The following SLC25A21 variants were observed in gnomAD, a reference collection of about 807,000 sequenced individuals.
SLC25A21 encodes solute carrier family 25 member 21.
SLC25A21 carries 47 observed loss-of-function variants against 43.8 expected under a neutral mutation model. That is an observed-to-expected ratio of 1.07 (90% CI 0.85 to 1.37). The LOEUF (loss-of-function observed/expected upper bound fraction) is 1.37. Among genes scored for constraint, SLC25A21 ranks in the 40% most tolerant of loss-of-function variants. SLC25A21 has a pLI of 0.00. For synonymous variants in SLC25A21, 131 were observed against 121.3 expected (o/e 1.08, Z -0.52); for missense variants, 352 against 350.2 (o/e 1.00, Z -0.04).
At chr14:37,133,175 A>G (rs1269013072) in intron 1 of SLC25A21, among the ~76,000 whole-genome samples, 1 of 150,218 alleles carries the variant, frequency 6.7e-6, no homozygotes, top group Non-Finnish European at 1.5e-5. Flanking sequence ...ACACACACTC[A>G]TGCAAACACA....
intron 1 of SLC25A21, among the ~76,000 whole-genome samples, chr14:37,131,437 G>A (rs1963390109): frequency 6.6e-6 from 1 of 152,176 alleles, no homozygotes; most frequent in Non-Finnish European, 1.5e-5. Context: ...ACTAACCAAT[G>A]CTGTTGTCTG....
chr14:36,951,978 T>A (rs1192984384), intron 1 of SLC25A21, among the ~76,000 whole-genome samples: 2 of 152,184 alleles, frequency 1.3e-5, no homozygotes, highest in African/African-American at 2.4e-5. Flanking sequence ...CTCATGCCTG[T>A]AATCCCAGCA....
chr14:36,902,486 G>A (rs1029837996), intron 1 of SLC25A21, among the ~76,000 whole-genome samples: 3 of 152,092 alleles, frequency 2.0e-5, no homozygotes, highest in African/African-American at 7.2e-5. Flanking sequence ...ATCTGGGTTT[G>A]AGTTTTGTAT....
At chr14:36,754,668 A>G (rs1030567553) in intron 3 of SLC25A21, among the ~76,000 whole-genome samples, 3 of 152,154 alleles carry the variant, frequency 2.0e-5, no homozygotes, top group African/African-American at 4.8e-5. Context: ...CACTGTGGGC[A>G]CTTGAAAGAA....
chr14:37,096,195 G>A (rs768461355), intron 1 of SLC25A21, among the ~76,000 whole-genome samples: 9 of 152,102 alleles, frequency 5.9e-5, no homozygotes, highest in Non-Finnish European at 8.8e-5. Flanking sequence ...TGCATTATTG[G>A]ATCAAACTTA....
At chr14:36,961,924 T>C (rs1959502321) in intron 1 of SLC25A21, among the ~76,000 whole-genome samples, 2 of 152,088 alleles carry the variant, frequency 1.3e-5, no homozygotes. Flanking sequence ...TAATTTCCCA[T>C]AAAAACCATG....
At chr14:36,844,834 A>G (rs536873139) in intron 2 of SLC25A21, among the ~76,000 whole-genome samples, 2 of 152,346 alleles carry the variant, frequency 1.3e-5, no homozygotes, top group Non-Finnish European at 2.9e-5. Flanking sequence ...TTTAATCATG[A>G]GCCTGAGAGA....
chr14:36,701,663 T>G (rs867703886), intron 7 of SLC25A21, among the ~76,000 whole-genome samples: 2 of 152,196 alleles, frequency 1.3e-5, no homozygotes, highest in Non-Finnish European at 2.9e-5. Flanking sequence ...CCTGTATATA[T>G]TTCACAGATA....
chr14:37,161,765 G>C (rs10146734), intron 1 of SLC25A21, among the ~76,000 whole-genome samples: 145,184 of 151,482 alleles, frequency 0.96, 69,902 homozygotes, highest in East Asian at 1. Flanking sequence ...CCAAGACCAT[G>C]CTGGCTAACA....
intron 3 of SLC25A21, among the ~76,000 whole-genome samples, chr14:36,782,054 C>A (rs1426659085): frequency 6.6e-6 from 1 of 152,140 alleles, no homozygotes; most frequent in Non-Finnish European, 1.5e-5. Context: ...ACTACATCAT[C>A]CCACTCTCCC....
intron 7 of SLC25A21, among the ~76,000 whole-genome samples, chr14:36,687,433 C>T (rs1018717491): frequency 6.6e-6 from 1 of 152,128 alleles, no homozygotes; most frequent in Non-Finnish European, 1.5e-5. Context: ...CTCTCCAGGG[C>T]TCCTGAGGCT....
intron 1 of SLC25A21, among the ~76,000 whole-genome samples, chr14:37,116,084 G>A (rs949938428): frequency 6.6e-6 from 1 of 151,990 alleles, no homozygotes; most frequent in Non-Finnish European, 1.5e-5. Flanking sequence ...GAGTTTTGAA[G>A]TATTGGCTTT....
At chr14:36,815,244 G>T (rs2138449408) in intron 2 of SLC25A21, among the ~76,000 whole-genome samples, 1 of 152,124 alleles carries the variant, frequency 6.6e-6, no homozygotes, top group Non-Finnish European at 1.5e-5. Flanking sequence ...CTGTAAGACG[G>T]GTTGATAGGT....
intron 1 of SLC25A21, among the ~76,000 whole-genome samples, chr14:37,154,014 AC>A (rs1256316598): frequency 6.6e-6 from 1 of 152,100 alleles, no homozygotes; most frequent in Non-Finnish European, 1.5e-5. Flanking sequence ...ACACTCTATG[AC>A]CCAGTTTACT....
At chr14:36,778,072 G>T (rs1184883047) in intron 3 of SLC25A21, among the ~76,000 whole-genome samples, 1 of 152,052 alleles carries the variant, frequency 6.6e-6, no homozygotes, top group Admixed American at 6.5e-5. Flanking sequence ...TTGGTCCCCA[G>T]GATACTCCCT....
chr14:37,115,489 A>AG (rs1963091417), intron 1 of SLC25A21, among the ~76,000 whole-genome samples: 1 of 152,174 alleles, frequency 6.6e-6, no homozygotes, highest in African/African-American at 2.4e-5. Flanking sequence ...AGAAAACTCT[A>AG]ATTTTTTAAT....
intron 3 of SLC25A21, among the ~76,000 whole-genome samples, chr14:36,778,931 C>T (rs558802864): frequency 2.4e-4 from 36 of 152,054 alleles, no homozygotes; most frequent in African/African-American, 7.7e-4. Context: ...AGAATGTATT[C>T]ACCTTATAAC....
At chr14:36,903,935 TG>T (rs1346137125) in intron 1 of SLC25A21, among the ~76,000 whole-genome samples, 3 of 152,216 alleles carry the variant, frequency 2.0e-5, no homozygotes, top group Admixed American at 1.3e-4. Flanking sequence ...GTGTCACTCT[TG>T]CCTTTTTTTG....
chr14:36,930,077 G>T (rs944149116), intron 1 of SLC25A21, among the ~76,000 whole-genome samples: 2 of 152,124 alleles, frequency 1.3e-5, no homozygotes, highest in Non-Finnish European at 2.9e-5. Flanking sequence ...AGTCATTGCA[G>T]CCTGGCACCA....
Sources: allele counts gnomAD v4.1 joint callset (sites outside exome capture counted in the v4.1 genomes callset), GRCh38; gene constraint gnomAD v4.1.1; transcripts MANE v1.5; gene names NCBI Gene and HGNC (gene_info 2026-07-23, HGNC 2026-07-21).